FRMD4A: variants seen among roughly 807,000 people sequenced by gnomAD.
The protein encoded by FRMD4A is FERM domain containing 4A.
In FRMD4A, 29 loss-of-function variants were observed where a neutral mutation model predicts 129.1. The observed-to-expected ratio is 0.22, with a 90% CI of 0.17 to 0.31. The LOEUF is 0.31. Ranked by LOEUF, FRMD4A falls within the 10% of genes least tolerant of loss-of-function variation. FRMD4A has a pLI of 1.00. For synonymous variants in FRMD4A, 634 were observed against 571.6 expected (o/e 1.11, Z -1.56); for missense variants, 1,272 against 1,375.8 (o/e 0.92, Z 1.19).
intron 2 of FRMD4A, among the ~76,000 whole-genome samples, chr10:14,158,475 T>G (rs371212323): frequency 6.6e-6 from 1 of 151,830 alleles, no homozygotes; most frequent in South Asian, 2.1e-4. Context: ...TTGCTGAGTA[T>G]GGTGGTGTGA....
intron 2 of FRMD4A, among the ~76,000 whole-genome samples, chr10:14,045,253 T>C (rs1833940615): frequency 1.3e-5 from 2 of 152,192 alleles, no homozygotes. Flanking sequence ...CAAAACTGCT[T>C]GCTCCTCCTT....
chr10:14,127,340 G>T (rs1220825253), intron 2 of FRMD4A, among the ~76,000 whole-genome samples: 1 of 152,192 alleles, frequency 6.6e-6, no homozygotes, highest in Non-Finnish European at 1.5e-5. Context: ...TTCTTGTTTT[G>T]CAAGGTCGTA....
chr10:13,746,939 G>T (rs769766177), intron 9 of FRMD4A, among the ~76,000 whole-genome samples: 1 of 152,122 alleles, frequency 6.6e-6, no homozygotes. Flanking sequence ...ATGAGCTATG[G>T]CATAATGTTA....
At chr10:14,222,437 T>C (rs1341817886) in intron 2 of FRMD4A, among the ~76,000 whole-genome samples, 3 of 152,136 alleles carry the variant, frequency 2.0e-5, no homozygotes, top group Middle Eastern at 3.4e-3. Flanking sequence ...AGTTGCCCAA[T>C]CATCAGAATC....
chr10:14,209,497 G>A (rs1842876881), intron 2 of FRMD4A, among the ~76,000 whole-genome samples: 2 of 151,900 alleles, frequency 1.3e-5, no homozygotes, highest in Admixed American at 1.3e-4. Context: ...TGTAATCCCA[G>A]CACTTTGAGG....
At chr10:13,752,459 T>G (rs918545723) in intron 8 of FRMD4A, among the ~76,000 whole-genome samples, 1 of 152,176 alleles carries the variant, frequency 6.6e-6, no homozygotes, top group African/African-American at 2.4e-5. Context: ...GGAAATAACT[T>G]TTTCAAGAAA....
chr10:13,971,183 C>T (rs754816816), intron 2 of FRMD4A, among the ~76,000 whole-genome samples: 26 of 152,196 alleles, frequency 1.7e-4, no homozygotes, highest in Non-Finnish European at 3.4e-4. Context: ...TGCATGCACA[C>T]GCACGCACAC....
intron 2 of FRMD4A, among the ~76,000 whole-genome samples, chr10:13,923,494 G>T (rs575301734): frequency 1.3e-5 from 2 of 152,104 alleles, no homozygotes; most frequent in Non-Finnish European, 2.9e-5. Context: ...GTGCACATAC[G>T]TACACACACA....
intron 6 of FRMD4A, among the ~76,000 whole-genome samples, chr10:13,779,536 C>A (rs776787631): frequency 6.6e-6 from 1 of 152,126 alleles, no homozygotes; most frequent in Admixed American, 6.6e-5. Flanking sequence ...GGACTTCAGA[C>A]GAGTCCCTGA....
intron 2 of FRMD4A, among the ~76,000 whole-genome samples, chr10:13,872,435 A>C (rs963698532): frequency 6.6e-6 from 1 of 152,226 alleles, no homozygotes; most frequent in Non-Finnish European, 1.5e-5. Context: ...TGGCACCCGC[A>C]CTCATTACGT....
In FRMD4A at chr10:14,110,356, GA is replaced by G. The variant is rs1452898076; in HGVS notation, c.45+219701del. Among the ~76,000 whole-genome samples, 3 of 151,910 alleles carry G rather than the reference GA, an allele frequency of 2.0e-5. No homozygotes were observed. In the South Asian group the frequency reaches 6.2e-4, roughly 32 times the overall value. On this transcript the variant is annotated intron_variant, in intron 2 of 24. Transcript: ENST00000357447. The stretch of plus-strand genomic sequence containing the variant: ...AATAATGAAAAGAATTCACTCAAAA[GA>G]AAAAAAATTCCTTCTTGCCCATGAT...
chr10:14,127,979 C>CTCTTTCTTTCTTTCTTTCTTTCTTTCT (rs1838973910), intron 2 of FRMD4A, among the ~76,000 whole-genome samples: 1 of 31,012 alleles, frequency 3.2e-5, no homozygotes, highest in Admixed American at 3.2e-4. Flanking sequence ...TCTTTCTTTC[C>CTCTTTCTTTCTTTCTTTCTTTCTTTCT]TTCTCTCTCT....
chr10:13,812,851 G>T (rs189247863), intron 3 of FRMD4A, among the ~76,000 whole-genome samples: 29 of 152,336 alleles, frequency 1.9e-4, no homozygotes, highest in African/African-American at 2.6e-4. Context: ...TTGAAAAAGT[G>T]AAAAAGCAAT....
At chr10:13,706,083 G>T (rs1257581623) in intron 13 of FRMD4A, among the ~76,000 whole-genome samples, 1 of 152,224 alleles carries the variant, frequency 6.6e-6, no homozygotes, top group Non-Finnish European at 1.5e-5. Flanking sequence ...CAGAAGCCAT[G>T]TGTGAGCTGG....
At chr10:14,062,350 G>A (rs773061001) in intron 2 of FRMD4A, among the ~76,000 whole-genome samples, 2 of 152,152 alleles carry the variant, frequency 1.3e-5, no homozygotes, top group East Asian at 1.9e-4. Flanking sequence ...AGAGCTGCAC[G>A]GAAGGCTATT....
chr10:13,928,636 C>T (rs1269760938), intron 2 of FRMD4A, among the ~76,000 whole-genome samples: 1 of 152,114 alleles, frequency 6.6e-6, no homozygotes, highest in East Asian at 1.9e-4. Context: ...TCCTTAATGG[C>T]CTGTTCGTGA....
chr10:13,891,993 C>G (rs1388444580), intron 2 of FRMD4A, among the ~76,000 whole-genome samples: 2 of 151,336 alleles, frequency 1.3e-5, no homozygotes, highest in East Asian at 3.9e-4. Flanking sequence ...CGCCACCGCC[C>G]GCCGCCCGAT....
chr10:13,989,902 G>A (rs1565160824), intron 2 of FRMD4A, among the ~76,000 whole-genome samples: 1 of 152,218 alleles, frequency 6.6e-6, no homozygotes, highest in Non-Finnish European at 1.5e-5. Flanking sequence ...TGGGCATCCT[G>A]TATTTTCATT....
At chr10:13,793,183 T>C (rs1029907214) in intron 5 of FRMD4A, among the ~76,000 whole-genome samples, 1 of 151,876 alleles carries the variant, frequency 6.6e-6, no homozygotes, top group African/African-American at 2.4e-5. Flanking sequence ...TTTTTTTTTT[T>C]TTTTGTGAGA....
Sources: allele counts gnomAD v4.1 joint callset (sites outside exome capture counted in the v4.1 genomes callset), GRCh38; gene constraint gnomAD v4.1.1; transcripts MANE v1.5; gene names NCBI Gene and HGNC (gene_info 2026-07-23, HGNC 2026-07-21).